Variants in ACTR1B observed in about 807,000 individuals in gnomAD.
ACTR1B encodes beta-centractin.
A neutral mutation model predicts 49.4 loss-of-function variants in ACTR1B; 34 were observed. The ratio of observed to expected loss-of-function variants is 0.69; its 90% CI spans 0.52 to 0.92. The LOEUF is 0.92. ACTR1B is among the 40% of genes least tolerant of loss of function. ACTR1B has a pLI of 0.00. For synonymous variants in ACTR1B, 207 were observed against 207.8 expected (o/e 1.00, Z 0.03); for missense variants, 471 against 522.4 (o/e 0.90, Z 0.96).
At chr2:97,663,455 C>T (rs1384688907) in intron 1 of ACTR1B, among the ~76,000 whole-genome samples, 2 of 152,222 alleles carry the variant, frequency 1.3e-5, no homozygotes, top group African/African-American at 4.8e-5. Context: ...ACCCCACCTC[C>T]GCCAGGCAGC....
rs752272751 is a variant in ACTR1B at position 97,658,854 on chromosome 2, G to T, written c.440+25C>A. The T allele has an allele frequency of 6.2e-7, 1 of 1,613,800 alleles. No individual in the cohort carries two copies. Among genetic ancestry groups the T allele is most frequent in the South Asian group, 1.1e-5 (1 of 91,066 alleles). On this transcript the variant is annotated intron_variant, in intron 5 of 10. Coordinates refer to ENST00000289228, the MANE Select transcript of ACTR1B (RefSeq NM_005735.4). The surrounding 1 kb of genome is among the most constrained non-coding windows in gnomAD (Gnocchi z 5.9). Reference sequence around the variant, plus strand: ...CGGCACAGGGAGGACAGGACTCAGGGAGGCCAGGCTTAGGGAGCACTCACA... The same window carrying T: ...CGGCACAGGGAGGACAGGACTCAGGTAGGCCAGGCTTAGGGAGCACTCACA...
In ACTR1B at chr2:97,657,392, C is replaced by T. The variant is rs775669248; in HGVS notation, c.987+56G>A. 7.2e-5 allele frequency: 114 copies of T among 1,593,216 alleles called. 1 individual carries two copies. The highest frequency in any genetic ancestry group is 6.3e-5 in the Non-Finnish European group (73 of 1,161,078). On this transcript the variant is annotated intron_variant, in intron 9 of 10. Transcript: ENST00000289228. ...CTGGGGGCAGCATTCAACCTTCCTCCCCATGCCAAGGCTGCCAGCGCCCTA... is the reference window on the plus strand; with the variant it reads ...CTGGGGGCAGCATTCAACCTTCCTCTCCATGCCAAGGCTGCCAGCGCCCTA...
Position 97,663,955 on chromosome 2 carries a change from G to GGAGGACC in ACTR1B, c.-66_-65insGGTCCTC. The GGAGGACC allele has an allele frequency of 1.2e-6, 1 of 858,982 alleles. No individual in the cohort carries two copies. Among genetic ancestry groups the GGAGGACC allele is most frequent in the Non-Finnish European group, 1.6e-6 (1 of 642,374 alleles). 53.2% of individuals were successfully genotyped at this position (858,982 alleles called of 1,614,324 possible). A position where few individuals can be genotyped will look rare whatever the true frequency, so the allele number is the denominator to read the frequency against. ...GGAGGCACCGGATGGGCGGGCGGGC[G>GGAGGACC]GGAGGACCGGGACGGCGGCGGCTCC... is the stretch of plus-strand genomic sequence containing the variant. On this transcript the variant is annotated 5_prime_UTR_variant, in exon 1 of 11. Transcript: ENST00000289228.
chr2:97,663,771 G>A (rs1280810129), intron 1 of ACTR1B, 72 bp downstream of exon 1: 4 of 1,037,716 alleles, frequency 3.9e-6, no homozygotes, highest in East Asian at 9.0e-5. Flanking sequence ...GCGGGCGGGG[G>A]TCTCTCCCTG....
chr2:97,661,365 G>C lies in ACTR1B; in HGVS notation c.113+517C>G, dbSNP rs77829263. On this transcript the variant is annotated intron_variant, in intron 2 of 10. Transcript: ENST00000289228. ...CCCCTAAGGGCAACTTTCCCAATGG[G>C]CTCGTGGTGGGTGCAAGGGGCACCC... 8.4e-3 allele frequency among the ~76,000 whole-genome samples: 1,280 copies of C among 152,298 alleles called. 21 individuals carry two copies. The highest frequency in any genetic ancestry group is 0.029 in the African/African-American group (1,203 of 41,550).
In ACTR1B at chr2:97,656,450, G is replaced by C; in HGVS notation, c.*408C>G. On this transcript the variant is annotated 3_prime_UTR_variant, in exon 11 of 11. Transcript: ENST00000289228. ...AACAGGAGGTGGCAATGGATGCAGT[G>C]ACACACCAGTGGGAGCTGCTGGCTG... 1 of 241,840 alleles carries C rather than the reference G, an allele frequency of 4.1e-6. No homozygotes were observed. Among genetic ancestry groups the C allele is most frequent in the South Asian group, 5.1e-5 (1 of 19,796 alleles). The allele number at this position is 241,840 out of a possible 1,614,324, so 15.0% of individuals were successfully genotyped here.
rs1256894746 is a variant in ACTR1B, at chr2:97,657,598, C to G, written c.926-89G>C. ...ACCCAGCCTTCAGGGCCCCCAGCTA[C>G]TGCTGGTCCTCTATCAGCAGCTCTT... On this transcript the variant is annotated intron_variant, in intron 8 of 10. Coordinates refer to ENST00000289228, the MANE Select transcript of ACTR1B (RefSeq NM_005735.4). The G allele has an allele frequency of 4.6e-6, 6 of 1,303,368 alleles. No individual in the cohort carries two copies. In the African/African-American group the frequency reaches 8.7e-5, roughly 19 times the overall value. The allele number at this position is 1,303,368 out of a possible 1,614,324, so 80.7% of individuals were successfully genotyped here. A position where few individuals can be genotyped will look rare whatever the true frequency, so the allele number is the denominator to read the frequency against.
Position 97,663,884 on chromosome 2 carries a change from A to G in ACTR1B, c.7T>C (p.Ser3Pro), listed in dbSNP as rs1311846712. Reference protein sequence around the residue: MESYDIIANQPVV... With the variant: MEPYDIIANQPVV... The stretch of plus-strand genomic sequence containing the variant: ...GGCTGGTTGGCGATGATGTCGTAGG[A>G]CTCCATGGCCGGGCCGCGCCGGCCC... Residue 3 changes from serine (S) to proline (P), a missense_variant, in exon 1 of 11, where the codon TCC becomes CCC. Physicochemically the swap from Ser to Pro is moderately conservative, Grantham distance 74. Transcript: ENST00000289228. 1 of 1,353,376 alleles carries G rather than the reference A, an allele frequency of 7.4e-7. No individual in the cohort carries two copies. Among genetic ancestry groups the G allele is most frequent in the Non-Finnish European group, 9.7e-7 (1 of 1,035,694 alleles). The allele number at this position is 1,353,376 out of a possible 1,614,324, so 83.8% of individuals were successfully genotyped here.
At position 97,656,965 on chromosome 2, in the gene ACTR1B, G is replaced by A. The variant is rs1674859648; in HGVS notation, c.1029-5C>T. On this transcript the variant is annotated splice_region_variant and splice_polypyrimidine_tract_variant and intron_variant, in intron 10 of 10. Coordinates refer to ENST00000289228, the MANE Select transcript of ACTR1B (RefSeq NM_005735.4). Reference sequence around the variant, plus strand: ...AGCGAGGCCAGGATGGAGCCGCTGTGGGGATGGAGGGATAGTATTGCTGTG... The same window carrying A: ...AGCGAGGCCAGGATGGAGCCGCTGTAGGGATGGAGGGATAGTATTGCTGTG... 1.9e-6 allele frequency: 3 copies of A among 1,589,696 alleles called. No individual in the cohort carries two copies. The highest frequency in any genetic ancestry group is 2.3e-5 in the South Asian group (2 of 87,814).
chr2:97,656,798 G>T lies in ACTR1B; in HGVS notation c.*60C>A. On this transcript the variant is annotated 3_prime_UTR_variant, in exon 11 of 11. Coordinates refer to ENST00000289228, the MANE Select transcript of ACTR1B (RefSeq NM_005735.4). The stretch of plus-strand genomic sequence containing the variant: ...AGTATACGAGCCAAGACCAAAAAGG[G>T]TTAAAGGCTCTGTCTCCCCTCCCTC... 7.0e-7 allele frequency: 1 copy of T among 1,435,590 alleles called. No individual in the cohort carries two copies. Among genetic ancestry groups the T allele is most frequent in the South Asian group, 1.2e-5 (1 of 81,476 alleles). The allele number at this position is 1,435,590 out of a possible 1,614,324, so 88.9% of individuals were successfully genotyped here.
At chr2:97,660,537 C>T (rs1344913432) in intron 3 of ACTR1B, 34 bp downstream of exon 3, 4 of 1,603,758 alleles carry the variant, frequency 2.5e-6, no homozygotes, top group African/African-American at 2.7e-5. Context: ...CTGAGGACCC[C>T]ACCCCCAGGG....
At position 97,656,818 on chromosome 2, in the gene ACTR1B, T is replaced by C; in HGVS notation, c.*40A>G. The C allele has an allele frequency of 6.7e-7, 1 of 1,500,550 alleles. No homozygotes were observed. The highest frequency in any genetic ancestry group is 2.4e-5 in the East Asian group (1 of 41,724). 93.0% of individuals were successfully genotyped at this position (1,500,550 alleles called of 1,614,324 possible). The stretch of plus-strand genomic sequence containing the variant: ...AAAGGGTTAAAGGCTCTGTCTCCCC[T>C]CCCTCCCCCTCTCCCAACATGCCCC... On this transcript the variant is annotated 3_prime_UTR_variant, in exon 11 of 11. Transcript: ENST00000289228.
In ACTR1B at chr2:97,660,612, C is replaced by T. The variant is rs1674986320; in HGVS notation, c.148G>A (p.Gly50Arg). Residue 50 changes from glycine to arginine, a missense_variant, in exon 3 of 11, where the codon GGA becomes AGA. Coordinates refer to ENST00000289228, the MANE Select transcript of ACTR1B (RefSeq NM_005735.4). Reference protein sequence around the residue: ...GRPKHMRVMAGALEGDLFIGP... With the variant: ...GRPKHMRVMARALEGDLFIGP... ...ATGAAGAGGTCCCCCTCCAGGGCTC[C>T]AGCCATCACCCGCATGTGCTTCGGC... The T allele has an allele frequency of 6.2e-7, 1 of 1,614,052 alleles. No homozygotes were observed. The highest frequency in any genetic ancestry group is 8.5e-7 in the Non-Finnish European group (1 of 1,180,006).
At position 97,663,904 on chromosome 2, in the gene ACTR1B, C is replaced by G; in HGVS notation, c.-14G>C. The G allele has an allele frequency of 8.1e-7, 1 of 1,228,828 alleles. No homozygotes were observed. The highest frequency in any genetic ancestry group is 5.4e-5 in the East Asian group (1 of 18,468). 76.1% of individuals were successfully genotyped at this position (1,228,828 alleles called of 1,614,324 possible). ...GTAGGACTCCATGGCCGGGCCGCGC[C>G]GGCCCTGCCCAGCAGGCGGGCTGCA... On this transcript the variant is annotated 5_prime_UTR_variant, in exon 1 of 11. Coordinates refer to ENST00000289228, the MANE Select transcript of ACTR1B (RefSeq NM_005735.4).
Position 97,664,032 on chromosome 2 carries a change from C to T in ACTR1B, c.-142G>A. 2.6e-6 allele frequency: 1 copy of T among 380,156 alleles called. No individual in the cohort carries two copies. Among genetic ancestry groups the T allele is most frequent in the Non-Finnish European group, 4.3e-6 (1 of 230,762 alleles). 23.5% of individuals were successfully genotyped at this position (380,156 alleles called of 1,614,324 possible). A position where few individuals can be genotyped will look rare whatever the true frequency, so the allele number is the denominator to read the frequency against. On this transcript the variant is annotated 5_prime_UTR_variant, in exon 1 of 11. Transcript: ENST00000289228. ...CCGAGCCTGCAGCCTACGCGAGCCCCGCGGGGCTTTCTGGAGGGCGGGCCC... is the reference window on the plus strand; with the variant it reads ...CCGAGCCTGCAGCCTACGCGAGCCCTGCGGGGCTTTCTGGAGGGCGGGCCC...
chr2:97,661,841 G>A (rs778389787), intron 2 of ACTR1B, 41 bp downstream of exon 2: 3 of 1,554,030 alleles, frequency 1.9e-6, no homozygotes, highest in Non-Finnish European at 2.6e-6. Context: ...CTTACAGAAG[G>A]TAAACAAAAG....
chr2:97,659,315 G>T lies in ACTR1B; in HGVS notation c.315+37C>A. 6.2e-7 allele frequency: 1 copy of T among 1,613,128 alleles called. No homozygotes were observed. The stretch of plus-strand genomic sequence containing the variant: ...ACGCAGAGGAGAGGGGCATGGCCAG[G>T]AGAATGCAGAGCATGCAGGAGGGGC... On this transcript the variant is annotated intron_variant, in intron 4 of 10. Transcript: ENST00000289228. This position sits in a 1 kb window ranked among gnomAD's most constrained non-coding sequence, Gnocchi z 4.0.
rs760565654 is a variant in ACTR1B, at chr2:97,658,829, C to T, written c.440+50G>A. On this transcript the variant is annotated intron_variant, in intron 5 of 10. Coordinates refer to ENST00000289228, the MANE Select transcript of ACTR1B (RefSeq NM_005735.4). This position sits in a 1 kb window ranked among gnomAD's most constrained non-coding sequence, Gnocchi z 5.9. ...CAGACCCTGGTCATGGCAAGCAGGACGGCACAGGGAGGACAGGACTCAGGG... is the reference window on the plus strand; with the variant it reads ...CAGACCCTGGTCATGGCAAGCAGGATGGCACAGGGAGGACAGGACTCAGGG... The T allele has an allele frequency of 4.4e-5, 71 of 1,612,078 alleles. No individual in the cohort carries two copies. Among genetic ancestry groups the T allele is most frequent in the Middle Eastern group, 3.3e-4 (2 of 6,054 alleles).
intron 1 of ACTR1B, 79 bp from the exon 2 acceptor site, chr2:97,662,025 G>A: frequency 1.4e-6 from 2 of 1,439,028 alleles, no homozygotes; most frequent in African/African-American, 2.8e-5. Flanking sequence ...AGAGCTGGCT[G>A]CCCCGTCAAG....
Sources: allele counts gnomAD v4.1 joint callset (sites outside exome capture counted in the v4.1 genomes callset), GRCh38; gene constraint gnomAD v4.1.1; non-coding constraint Gnocchi (gnomAD v3.1); transcripts MANE v1.5; gene names NCBI Gene and HGNC (gene_info 2026-07-23, HGNC 2026-07-21).